CIZ1: variants seen among roughly 807,000 people sequenced by gnomAD.
The protein encoded by CIZ1 is cip1-interacting zinc finger protein.
Under a neutral mutation model 118.6 loss-of-function variants are expected in CIZ1, and 58 were observed. The ratio of observed to expected loss-of-function variants is 0.49; its 90% confidence interval spans 0.40 to 0.61. The LOEUF (loss-of-function observed/expected upper bound fraction) is 0.61, where lower values mean the gene tolerates loss of function less well. Ranked by LOEUF, CIZ1 falls within the 20% of genes least tolerant of loss-of-function variation. The probability of loss-of-function intolerance (pLI) is 0.00; values close to 1 mark genes in which losing one functional copy is unlikely to be tolerated. For synonymous variants in CIZ1, 448 were observed against 443.4 expected (o/e 1.01, Z -0.13); for missense variants, 921 against 1,115.9 (o/e 0.83, Z 2.49).
chr9:128,181,204 C>T (rs955221332), intron 5 of CIZ1, among the ~76,000 whole-genome samples: 4 of 152,098 alleles, frequency 2.6e-5, no homozygotes, highest in African/African-American at 7.2e-5. Flanking sequence ...CAACCTCTGC[C>T]TCCTGGGTTC....
upstream of CIZ1, among the ~76,000 whole-genome samples, chr9:128,196,011 A>G (rs1833369659): frequency 6.6e-6 from 1 of 151,984 alleles, no homozygotes; most frequent in African/African-American, 2.4e-5. Context: ...GATTACAGGC[A>G]TGCACCACCA....
chr9:128,176,640 CAG>C (rs1250823703), intron 10 of CIZ1, among the ~76,000 whole-genome samples, 165 bp from the exon 11 acceptor site: 1 of 152,194 alleles, frequency 6.6e-6, no homozygotes, highest in African/African-American at 2.4e-5. Flanking sequence ...AACTAAGACA[CAG>C]GGTACATGCC....
intron 4 of CIZ1, among the ~76,000 whole-genome samples, chr9:128,187,280 T>C (rs1832501690): frequency 6.6e-6 from 1 of 152,182 alleles, no homozygotes; most frequent in Non-Finnish European, 1.5e-5. Context: ...AACTCAGCTC[T>C]GCACCTCAGG....
rs1021404942 is a variant in CIZ1 at position 128,190,541 on chromosome 9, G to A, written c.171-97C>T. ...CCTCCATTCTCTGCCCCACTCTGTG[G>A]TAGACAGAGGACCCCTTGGGGCTGG... On this transcript the variant is annotated intron_variant, in intron 2 of 16. Coordinates refer to ENST00000372938, the MANE Select transcript of CIZ1 (RefSeq NM_001131016.2). The A allele has an allele frequency of 6.0e-5, 80 of 1,333,746 alleles. 2 individuals carry two copies. In the Admixed American group the frequency reaches 8.0e-4, roughly 13 times the overall value. The allele number at this position is 1,333,746 out of a possible 1,614,324, so 82.6% of individuals were successfully genotyped here. A position where few individuals can be genotyped will look rare whatever the true frequency, so the allele number is the denominator to read the frequency against.
chr9:128,197,732 C>G (rs1374411070), intron 1 of CIZ1: 1 of 152,270 alleles, frequency 6.6e-6, no homozygotes, highest in Non-Finnish European at 1.5e-5. Flanking sequence ...CTTCGCAACA[C>G]CGGAGAAGTT....
chr9:128,190,632 G>A (rs1172510196), intron 2 of CIZ1, 56 bp downstream of exon 2: 1 of 1,526,820 alleles, frequency 6.5e-7, no homozygotes, highest in Non-Finnish European at 8.8e-7. Context: ...CGGGAGCTCC[G>A]AGACATGGGT....
At position 128,185,691 on chromosome 9, in the gene CIZ1, T is replaced by C; in HGVS notation, c.444A>G (p.Gln148=). Residue 148 remains glutamine (Q), a synonymous_variant, in exon 5 of 17, where the codon CAA becomes CAG. Transcript: ENST00000372938. ...GGCGAGTGGCCTGGGGAAAGAACTG[T>C]TGCAAATTTGGAGTGGCCAGTTGTG... ...TPPQLATPNL[Q]QFFPQATRQS... is the part of the protein sequence containing the mutation. The C allele has an allele frequency of 6.2e-7, 1 of 1,609,028 alleles. No homozygotes were observed. Among genetic ancestry groups the C allele is most frequent in the Non-Finnish European group, 8.5e-7 (1 of 1,177,340 alleles).
chr9:128,198,868 A>G (rs999057795), intron 1 of CIZ1, among the ~76,000 whole-genome samples: 1 of 151,998 alleles, frequency 6.6e-6, no homozygotes, highest in Admixed American at 6.6e-5. Context: ...TGCACTAAAA[A>G]TATGTATTCA....
At chr9:128,192,283 T>C (rs560374432), upstream of CIZ1, among the ~76,000 whole-genome samples, 1 of 150,364 alleles carries the variant, frequency 6.7e-6, no homozygotes, top group Non-Finnish European at 1.5e-5. Flanking sequence ...GGCAAGAGGA[T>C]CACTTGAGCC....
chr9:128,172,018 CCG>C (rs1248164564), intron 11 of CIZ1, among the ~76,000 whole-genome samples: 1 of 150,814 alleles, frequency 6.6e-6, no homozygotes, highest in Non-Finnish European at 1.5e-5. Context: ...GCTGGGCATA[CCG>C]CTGGTTCACG....
chr9:128,172,147 C>CAAAAAAAAAAAA (rs58895140), intron 11 of CIZ1, among the ~76,000 whole-genome samples: 13 of 69,162 alleles, frequency 1.9e-4, no homozygotes, highest in African/African-American at 9.0e-4. Context: ...GACACTGTCT[C>CAAAAAAAAAAAA]AAAAAAAAAA....
chr9:128,202,851 C>T (rs1833573577), intron 1 of CIZ1: 1 of 152,198 alleles, frequency 6.6e-6, no homozygotes, highest in Non-Finnish European at 1.5e-5. Flanking sequence ...TCTTCAGTGC[C>T]TAGGACAGGG....
At chr9:128,191,792 G>A (rs943296003), upstream of CIZ1, 2 of 1,434,388 alleles carry the variant, frequency 1.4e-6, no homozygotes, top group South Asian at 1.4e-5. This position sits in a 1 kb window ranked among gnomAD's most constrained non-coding sequence, Gnocchi z 5.5. Context: ...TCCGTCTGCC[G>A]CCCGGAAGGG....
intron 10 of CIZ1, among the ~76,000 whole-genome samples, chr9:128,177,098 C>T (rs1830956468): frequency 6.6e-6 from 1 of 152,156 alleles, no homozygotes; most frequent in South Asian, 2.1e-4. Context: ...CCATGTTGTT[C>T]AGGCTGGTCT....
At chr9:128,175,038 T>C (rs1830690842) in intron 11 of CIZ1, among the ~76,000 whole-genome samples, 1 of 152,216 alleles carries the variant, frequency 6.6e-6, no homozygotes, top group Non-Finnish European at 1.5e-5. Context: ...GAGGGTTTGA[T>C]GAATCCCCGA....
intron 9 of CIZ1, 76 bp from the exon 10 acceptor site, chr9:128,177,839 A>C: frequency 6.6e-6 from 7 of 1,063,372 alleles, no homozygotes; most frequent in Non-Finnish European, 9.3e-6. Context: ...AACATCTGCC[A>C]ACGTTGTCTC....
rs183623472 is a variant in CIZ1, at chr9:128,198,936, G to A, written c.-6+5250C>T. Among the ~76,000 whole-genome samples the A allele has an allele frequency of 6.6e-4, 101 of 152,232 alleles. 1 individual carries two copies. The highest frequency in any genetic ancestry group is 2.5e-3 in the Admixed American group (38 of 15,282). On this transcript the variant is annotated intron_variant, in intron 1 of 17. Transcript: ENST00000372948. The stretch of plus-strand genomic sequence containing the variant: ...TACCAGAGCTGGCATAGTGTAGGAT[G>A]TAAATATGGAAGCTCTGAGTCACAC...
Position 128,180,767 on chromosome 9 carries a change from T to TG in CIZ1, c.635dup (p.Glu213ArgfsTer4). ...GCTCTGCGGCTTCCTCAGACCCCTCTGGGGGGTCTGACTTGTCTTCCACAG... is the reference window on the plus strand; with the variant it reads ...GCTCTGCGGCTTCCTCAGACCCCTCTGGGGGGGTCTGACTTGTCTTCCACAG... On this transcript the variant is annotated frameshift_variant, in exon 6 of 17. Coordinates refer to ENST00000372938, the MANE Select transcript of CIZ1 (RefSeq NM_001131016.2). LOFTEE classifies it high-confidence loss of function. 2.5e-6 allele frequency: 4 copies of TG among 1,611,296 alleles called. No homozygotes were observed. The highest frequency in any genetic ancestry group is 2.2e-5 in the East Asian group (1 of 44,880).
At chr9:128,194,510 CT>C (rs1344768206), upstream of CIZ1, among the ~76,000 whole-genome samples, 1 of 151,476 alleles carries the variant, frequency 6.6e-6, no homozygotes. Flanking sequence ...TATATTTTTT[CT>C]TTTTTCTTTT....
Sources: gnomAD v4.1 joint callset for allele counts (sites outside exome capture counted in the v4.1 genomes callset) on GRCh38, gnomAD v4.1.1 for gene constraint, Gnocchi (gnomAD v3.1) non-coding constraint, MANE v1.5 for transcripts, NCBI Gene and HGNC (gene_info 2026-07-23, HGNC 2026-07-21) for gene names.